Variants in ASIC4 observed in about 807,000 individuals in gnomAD.
The protein encoded by ASIC4 is acid sensing ion channel subunit family member 4.
A neutral mutation model predicts 53.4 loss-of-function variants in ASIC4; 28 were observed. That is an observed-to-expected ratio of 0.52 (90% CI 0.39 to 0.72). The LOEUF is 0.72. ASIC4 is among the 30% of genes least tolerant of loss of function. The probability of loss-of-function intolerance (pLI) is 0.00; values close to 1 mark genes in which losing one functional copy is unlikely to be tolerated. For missense variants in ASIC4, 649 were observed against 729.7 expected, an observed-to-expected ratio of 0.89 and a Z score of 1.27; for synonymous variants, 289 against 301.4, an observed-to-expected ratio of 0.96 and a Z score of 0.43.
intron 1 of ASIC4, among the ~76,000 whole-genome samples, chr2:219,523,851 C>T (rs908656150): frequency 2.6e-5 from 4 of 151,042 alleles, no homozygotes; most frequent in Admixed American, 1.3e-4. Context: ...GACAGGGTCA[C>T]GCTCTGTTGC....
chr2:219,513,503 T>TAG (rs1694728369), upstream of ASIC4, among the ~76,000 whole-genome samples: 1 of 152,104 alleles, frequency 6.6e-6, no homozygotes, highest in Admixed American at 6.5e-5. Context: ...AGGAGAGCAT[T>TAG]CGCTCCCATT....
intron 5 of ASIC4, chr2:219,533,285 G>A (rs1574494561): frequency 9.5e-6 from 4 of 422,062 alleles, no homozygotes; most frequent in East Asian, 9.1e-5. Context: ...GCTGGCTATC[G>A]GTGTGGGTAA....
chr2:219,538,350 G>T lies in ASIC4; in HGVS notation c.*304G>T. On this transcript the variant is annotated 3_prime_UTR_variant, in exon 10 of 10. Transcript: ENST00000358078. ...AGAGCCCATCCCAGCCGGGGAGGGGGAGCCCTCTGTACATTTGTAAATATT... is the reference window on the plus strand; with the variant it reads ...AGAGCCCATCCCAGCCGGGGAGGGGTAGCCCTCTGTACATTTGTAAATATT... 3.8e-6 allele frequency: 1 copy of T among 260,382 alleles called. No homozygotes were observed. Among genetic ancestry groups the T allele is most frequent in the Non-Finnish European group, 7.4e-6 (1 of 134,782 alleles). The allele number at this position is 260,382 out of a possible 1,614,324, so 16.1% of individuals were successfully genotyped here. A position where few individuals can be genotyped will look rare whatever the true frequency, so the allele number is the denominator to read the frequency against.
intron 1 of ASIC4, 79 bp from the exon 2 acceptor site, chr2:219,531,679 C>T: frequency 6.7e-7 from 1 of 1,491,146 alleles, no homozygotes; most frequent in Non-Finnish European, 9.0e-7. Flanking sequence ...TGGTGGCCCT[C>T]AGCAGGGAGC....
At chr2:219,519,930 C>T (rs1451784875) in intron 1 of ASIC4, among the ~76,000 whole-genome samples, 2 of 152,072 alleles carry the variant, frequency 1.3e-5, no homozygotes, top group Non-Finnish European at 1.5e-5. Flanking sequence ...GGAGACACCA[C>T]GTGAGCAAAG....
intron 1 of ASIC4, among the ~76,000 whole-genome samples, chr2:219,524,248 C>CA (rs1276158966): frequency 6.6e-6 from 1 of 152,236 alleles, no homozygotes; most frequent in East Asian, 1.9e-4. Flanking sequence ...CACTGTTGAG[C>CA]ACAGGCTCAA....
At chr2:219,533,290 G>T in intron 5 of ASIC4, 1 of 408,126 alleles carries the variant, frequency 2.5e-6, no homozygotes, top group South Asian at 2.7e-5. Context: ...CTATCGGTGT[G>T]GGTAAGGCAA....
At position 219,514,916 on chromosome 2, in the gene ASIC4, A is replaced by T; in HGVS notation, c.192A>T (p.Gly64=). The T allele has an allele frequency of 6.2e-7, 1 of 1,612,572 alleles. No homozygotes were observed. Among genetic ancestry groups the T allele is most frequent in the East Asian group, 2.2e-5 (1 of 44,814 alleles). The change falls in exon 1 of 10, where the codon GGA becomes GGT. Residue 64 remains glycine (G), a synonymous_variant. Transcript: ENST00000358078. Reference sequence around the variant, plus strand: ...GGGCCTGTGGCCCAGGCCCCCACGGACTGCGCAGAACCCTGTGGGCACTGG... The same window carrying T: ...GGGCCTGTGGCCCAGGCCCCCACGGTCTGCGCAGAACCCTGTGGGCACTGG... ...LGRACGPGPH[G]LRRTLWALAL...
Position 219,518,083 on chromosome 2 carries a change from A to G in ASIC4, c.582+2777A>G, listed in dbSNP as rs948873456. Among the ~76,000 whole-genome samples, 1 of 152,030 alleles carries G rather than the reference A, an allele frequency of 6.6e-6. No individual in the cohort carries two copies. The highest frequency in any genetic ancestry group is 2.4e-5 in the African/African-American group (1 of 41,382). ...CCTAATATCCCTTCATGCACTCCCA[A>G]TCAGTCAGTCAATCAATCAACATGG... On this transcript the variant is annotated intron_variant, in intron 1 of 9. Coordinates refer to ENST00000358078, the MANE Select transcript of ASIC4 (RefSeq NM_018674.6). This position sits in a 1 kb window ranked among gnomAD's most constrained non-coding sequence, Gnocchi z 4.8.
At position 219,538,183 on chromosome 2, in the gene ASIC4, C is replaced by A; in HGVS notation, c.*137C>A. The A allele has an allele frequency of 1.4e-6, 1 of 737,270 alleles. No homozygotes were observed. The highest frequency in any genetic ancestry group is 1.6e-5 in the South Asian group (1 of 62,400). The allele number at this position is 737,270 out of a possible 1,614,324, so 45.7% of individuals were successfully genotyped here. A position where few individuals can be genotyped will look rare whatever the true frequency, so the allele number is the denominator to read the frequency against. On this transcript the variant is annotated 3_prime_UTR_variant, in exon 10 of 10. Transcript: ENST00000358078. Reference sequence around the variant, plus strand: ...GACTCAGTTCCTGCTCTCATCCTCCCCTGCCCTGATGTCAGCTGCTTTGCA... The same window carrying A: ...GACTCAGTTCCTGCTCTCATCCTCCACTGCCCTGATGTCAGCTGCTTTGCA...
Position 219,538,315 on chromosome 2 carries a change from G to T in ASIC4, c.*269G>T. ...AGAGGAAGGGAAGGAAGGAGAGGGA[G>T]GGGGAGGATAGAGCCCATCCCAGCC... On this transcript the variant is annotated 3_prime_UTR_variant, in exon 10 of 10. Transcript: ENST00000358078. 1 of 475,230 alleles carries T rather than the reference G, an allele frequency of 2.1e-6. No individual in the cohort carries two copies. The highest frequency in any genetic ancestry group is 3.8e-6 in the Non-Finnish European group (1 of 265,864). 29.4% of individuals were successfully genotyped at this position (475,230 alleles called of 1,614,324 possible).
Position 219,537,766 on chromosome 2 carries a change from T to C in ASIC4, c.1506+30T>C. 1 of 1,594,592 alleles carries C rather than the reference T, an allele frequency of 6.3e-7. No homozygotes were observed. Among genetic ancestry groups the C allele is most frequent in the Non-Finnish European group, 8.6e-7 (1 of 1,167,702 alleles). On this transcript the variant is annotated intron_variant, in intron 9 of 9. Coordinates refer to ENST00000358078, the MANE Select transcript of ASIC4 (RefSeq NM_018674.6). The surrounding 1 kb of genome is among the most constrained non-coding windows in gnomAD (Gnocchi z 4.9). ...GGACAAGCTCTAAATGCCTGCAGCA[T>C]GCAGCCACACCTCCCCAGGACTGAA...
intron 1 of ASIC4, among the ~76,000 whole-genome samples, chr2:219,522,829 G>C (rs942740559): frequency 2.0e-5 from 3 of 152,168 alleles, no homozygotes. Flanking sequence ...GAGGAGCCGG[G>C]AGCCGGGGGA....
At chr2:219,514,331 G>T, upstream of ASIC4, 1 of 1,529,046 alleles carries the variant, frequency 6.5e-7, no homozygotes, top group East Asian at 2.4e-5. Context: ...GCGTGGGGAG[G>T]GCTCCGGAGC....
chr2:219,533,487 C>G (rs1327927616), intron 5 of ASIC4: 1 of 165,450 alleles, frequency 6.0e-6, no homozygotes, highest in African/African-American at 2.4e-5. Context: ...CCACACAGCC[C>G]GTCAACTCCT....
At chr2:219,529,854 G>A (rs1462390275) in intron 1 of ASIC4, among the ~76,000 whole-genome samples, 2 of 152,080 alleles carry the variant, frequency 1.3e-5, no homozygotes. Flanking sequence ...TTGGGTGGTA[G>A]AAGAACTGTG....
chr2:219,513,515 A>T (rs752665070), upstream of ASIC4, among the ~76,000 whole-genome samples: 134 of 151,784 alleles, frequency 8.8e-4, 1 homozygote, highest in Non-Finnish European at 6.6e-4. Context: ...GCTCCCATTG[A>T]CGCCCAGCAC....
chr2:219,524,593 A>T (rs1559116994), intron 1 of ASIC4, among the ~76,000 whole-genome samples: 3 of 152,246 alleles, frequency 2.0e-5, no homozygotes, highest in African/African-American at 7.2e-5. Context: ...GTCTTTCCTC[A>T]TAACACCTTT....
intron 1 of ASIC4, among the ~76,000 whole-genome samples, chr2:219,528,530 TTTG>T (rs751278104): frequency 6.0e-5 from 9 of 150,362 alleles, no homozygotes; most frequent in South Asian, 2.1e-4. Flanking sequence ...GTCTGGACTT[TTTG>T]TTGTTGTTGT....
Sources: allele counts gnomAD v4.1 joint callset (sites outside exome capture counted in the v4.1 genomes callset), GRCh38; gene constraint gnomAD v4.1.1; non-coding constraint Gnocchi (gnomAD v3.1); transcripts MANE v1.5; gene names NCBI Gene and HGNC (gene_info 2026-07-23, HGNC 2026-07-21).